The following TG variants were observed in gnomAD, a reference collection of about 807,000 sequenced individuals.
TG encodes the protein thyroglobulin.
In TG, 270 loss-of-function variants were observed where a neutral mutation model predicts 324.7. The ratio of observed to expected loss-of-function variants is 0.83; its 90% CI spans 0.75 to 0.92. The LOEUF is 0.92. Ranked by LOEUF, TG falls within the 40% of genes least tolerant of loss-of-function variation. The pLI, the probability that TG is intolerant of heterozygous loss-of-function variation, is 0.00. For missense variants in TG, 3,591 were observed against 3,456.4 expected (o/e 1.04, Z -0.98); for synonymous variants, 1,401 against 1,327.0 (o/e 1.06, Z -1.21).
Position 133,113,486 on chromosome 8 carries a change from C to A in TG, c.7637C>A (p.Ser2546Tyr). The A allele has an allele frequency of 6.2e-7, 1 of 1,614,016 alleles. No homozygotes were observed. The highest frequency in any genetic ancestry group is 1.1e-5 in the South Asian group (1 of 91,080). The change falls in exon 44 of 48, where the codon TCT becomes TAT. Residue 2546 changes from serine to tyrosine, a missense_variant. Physicochemically the swap from Ser to Tyr is moderately radical, Grantham distance 144. Coordinates refer to ENST00000220616, the MANE Select transcript of TG (RefSeq NM_003235.5). The part of the protein sequence containing the change: ...KTAFYQALQN[S>Y]LGGEDSDARV... ...GCCTTTTACCAGGCACTGCAGAATT[C>A]TCTGGGTGGCGAGGACTCAGATGCC...
At chr8:132,892,808 GTGTT>G (rs1299842374) in intron 10 of TG, among the ~76,000 whole-genome samples, 6 of 150,416 alleles carry the variant, frequency 4.0e-5, no homozygotes, top group East Asian at 3.9e-4. Context: ...TGTGGTGTGT[GTGTT>G]TATGTGTGTG....
chr8:133,129,853 C>A (rs1167911870), intron 45 of TG, among the ~76,000 whole-genome samples: 2 of 152,112 alleles, frequency 1.3e-5, no homozygotes, highest in Non-Finnish European at 2.9e-5. Flanking sequence ...TGAAACATCT[C>A]TCAAGAGAGA....
At chr8:132,938,924 C>T (rs184374536) in intron 25 of TG, among the ~76,000 whole-genome samples, 26 of 151,768 alleles carry the variant, frequency 1.7e-4, no homozygotes, top group African/African-American at 5.1e-4. Flanking sequence ...TGGTGGCGGG[C>T]GCCTGTAGTC....
rs869172140 is a variant in TG at position 133,055,365 on chromosome 8, GCACACA to G, written c.7239+25379_7239+25384del. ...CTTCAGGACACACACACGCACGCGC[GCACACA>G]CACACACACACACACACACACACAC... is the stretch of plus-strand genomic sequence containing the variant. On this transcript the variant is annotated intron_variant, in intron 41 of 47. Coordinates refer to ENST00000220616, the MANE Select transcript of TG (RefSeq NM_003235.5). 1.4e-4 allele frequency among the ~76,000 whole-genome samples: 9 copies of G among 62,276 alleles called. No individual in the cohort carries two copies. The Middle Eastern group carries it at 0.023, about 160-fold the overall frequency. The allele number at this position is 62,276 out of a possible 152,430, so 40.9% of individuals were successfully genotyped here.
chr8:132,872,386 G>A (rs1175665344), intron 4 of TG, among the ~76,000 whole-genome samples: 1 of 150,962 alleles, frequency 6.6e-6, no homozygotes, highest in Non-Finnish European at 1.5e-5. Flanking sequence ...GCTGAGGCAG[G>A]AGAATGGCGT....
chr8:133,071,282 G>A (rs1258719690), intron 41 of TG, among the ~76,000 whole-genome samples: 1 of 152,222 alleles, frequency 6.6e-6, no homozygotes, highest in Non-Finnish European at 1.5e-5. Context: ...GGGAAACCAA[G>A]GCCAGAGCAT....
At chr8:132,968,175 A>T (rs1473640369) in intron 31 of TG, among the ~76,000 whole-genome samples, 1 of 152,222 alleles carries the variant, frequency 6.6e-6, no homozygotes, top group African/African-American at 2.4e-5. Flanking sequence ...AACAAAAAAT[A>T]TGAAAAAGGG....
Position 133,096,203 on chromosome 8 carries a change from C to A in TG, c.7405-3C>A. On this transcript the variant is annotated splice_polypyrimidine_tract_variant and splice_region_variant and intron_variant, in intron 42 of 47. Transcript: ENST00000220616. Reference sequence around the variant, plus strand: ...CAACTGATTATTGTTGCATCCAATGCAGCTCCTGGCCGTGAGTGGCCCTTT... The same window carrying A: ...CAACTGATTATTGTTGCATCCAATGAAGCTCCTGGCCGTGAGTGGCCCTTT... The A allele has an allele frequency of 6.2e-7, 1 of 1,614,226 alleles. No homozygotes were observed. Among genetic ancestry groups the A allele is most frequent in the Admixed American group, 1.7e-5 (1 of 60,032 alleles).
chr8:133,081,169 A>G (rs188253254), intron 41 of TG, among the ~76,000 whole-genome samples: 4 of 152,370 alleles, frequency 2.6e-5, no homozygotes, highest in Non-Finnish European at 5.9e-5. Context: ...GGGACCCACC[A>G]GATAGAGGTG....
At chr8:132,924,164 G>A (rs1258525960) in intron 22 of TG, among the ~76,000 whole-genome samples, 1 of 151,394 alleles carries the variant, frequency 6.6e-6, no homozygotes. Context: ...AGATCATCAG[G>A]CATTAGATTC....
At chr8:132,898,963 A>G in intron 14 of TG, 53 bp downstream of exon 14, 2 of 1,479,782 alleles carry the variant, frequency 1.4e-6, no homozygotes, top group Non-Finnish European at 1.9e-6. Flanking sequence ...CGCTGGTCAG[A>G]GATGATTTTT....
chr8:132,947,385 T>C (rs1471886806), intron 26 of TG, among the ~76,000 whole-genome samples: 2 of 152,182 alleles, frequency 1.3e-5, no homozygotes, highest in African/African-American at 2.4e-5. Flanking sequence ...GAAACCACCA[T>C]ATGAGATGAC....
intron 41 of TG, among the ~76,000 whole-genome samples, chr8:133,036,548 T>C (rs1837160242): frequency 6.6e-6 from 1 of 152,152 alleles, no homozygotes. Context: ...CCCAGAGTCA[T>C]ACAATCTGCT....
In TG at chr8:132,906,918, A is replaced by G. The variant is rs1818770866; in HGVS notation, c.3847+18A>G. On this transcript the variant is annotated intron_variant, in intron 17 of 47. Coordinates refer to ENST00000220616, the MANE Select transcript of TG (RefSeq NM_003235.5). ...CTGCCAACGTGAGTGGCATCAGAGC[A>G]TCTATCCTGCACCCCGCTCCCTCTC... 1.2e-6 allele frequency: 2 copies of G among 1,601,674 alleles called. No homozygotes were observed. The highest frequency in any genetic ancestry group is 2.7e-5 in the African/African-American group (2 of 74,758).
chr8:133,013,569 C>G, intron 36 of TG, 31 bp from the exon 37 acceptor site: 1 of 1,613,594 alleles, frequency 6.2e-7, no homozygotes, highest in Non-Finnish European at 8.5e-7. Context: ...CTCTGAGGCC[C>G]AAGCATCACT....
intron 20 of TG, among the ~76,000 whole-genome samples, chr8:132,916,360 GTTC>G (rs1172851839): frequency 6.6e-6 from 1 of 152,222 alleles, no homozygotes; most frequent in East Asian, 1.9e-4. Flanking sequence ...CTGCCTCCAA[GTTC>G]TTTGTTCTGT....
At chr8:132,911,603 C>A in intron 19 of TG, 70 bp downstream of exon 19, 1 of 1,323,484 alleles carries the variant, frequency 7.6e-7, no homozygotes, top group Non-Finnish European at 1.1e-6. Context: ...TCTCATCTGC[C>A]AAATGGAGCT....
chr8:133,126,818 A>G (rs959832893), intron 45 of TG, among the ~76,000 whole-genome samples: 2 of 152,106 alleles, frequency 1.3e-5, no homozygotes, highest in African/African-American at 4.8e-5. Flanking sequence ...AAAACAAAAC[A>G]AAACAAAAGC....
intron 27 of TG, among the ~76,000 whole-genome samples, chr8:132,952,849 T>A (rs1826312774): frequency 6.6e-6 from 1 of 152,196 alleles, no homozygotes; most frequent in Admixed American, 6.5e-5. Context: ...AAACAATCTT[T>A]GCATTAGTGC....
Sources: allele counts gnomAD v4.1 joint callset (sites outside exome capture counted in the v4.1 genomes callset), GRCh38; gene constraint gnomAD v4.1.1; transcripts MANE v1.5; gene names NCBI Gene and HGNC (gene_info 2026-07-23, HGNC 2026-07-21).